ZFHX3: variants seen among roughly 807,000 people sequenced by gnomAD.
ZFHX3 encodes zinc finger homeobox 3.
In ZFHX3, 42 loss-of-function variants were observed where a neutral mutation model predicts 279.1. That is an observed-to-expected ratio of 0.15 (90% CI 0.12 to 0.19). The LOEUF (loss-of-function observed/expected upper bound fraction) is 0.19, where lower values mean the gene tolerates loss of function less well. Ranked by LOEUF, ZFHX3 falls within the 10% of genes least tolerant of loss-of-function variation. ZFHX3 has a pLI of 1.00. For synonymous variants in ZFHX3, 2,293 were observed against 1,957.8 expected (o/e 1.17, Z -4.52); for missense variants, 4,981 against 4,754.0 (o/e 1.05, Z -1.40).
intron 4 of ZFHX3, among the ~76,000 whole-genome samples, chr16:73,315,136 G>A (rs573552328): frequency 6.6e-6 from 1 of 151,698 alleles, no homozygotes; most frequent in African/African-American, 2.4e-5. Flanking sequence ...GCTGAGGCAG[G>A]AGAAGCGCTT....
At chr16:72,866,980 T>C (rs1487584630) in intron 4 of ZFHX3, among the ~76,000 whole-genome samples, 1 of 152,240 alleles carries the variant, frequency 6.6e-6, no homozygotes, top group East Asian at 1.9e-4. Flanking sequence ...ATATGAACAG[T>C]CATTATCTTG....
chr16:73,665,091 T>G (rs2052821416), intron 2 of ZFHX3, among the ~76,000 whole-genome samples: 2 of 152,146 alleles, frequency 1.3e-5, no homozygotes, highest in Non-Finnish European at 2.9e-5. Flanking sequence ...GAGTTTACAG[T>G]CTAATGTAGA....
chr16:73,019,332 G>A (rs1412033802), intron 1 of ZFHX3, among the ~76,000 whole-genome samples: 3 of 72,622 alleles, frequency 4.1e-5, no homozygotes. Context: ...GTGTGCGTGT[G>A]TGTGTCTGTG....
intron 1 of ZFHX3, among the ~76,000 whole-genome samples, chr16:73,832,101 A>G (rs1413659844): frequency 6.6e-6 from 1 of 151,758 alleles, no homozygotes; most frequent in Non-Finnish European, 1.5e-5. Context: ...GGGTTTCACC[A>G]TGTTGGTCAG....
At chr16:72,974,190 G>A (rs941735354) in intron 1 of ZFHX3, among the ~76,000 whole-genome samples, 1 of 152,146 alleles carries the variant, frequency 6.6e-6, no homozygotes, top group Non-Finnish European at 1.5e-5. Flanking sequence ...TATTCACATC[G>A]AATCTACCTG....
At chr16:72,940,455 C>A (rs1439124049) in intron 3 of ZFHX3, among the ~76,000 whole-genome samples, 1 of 152,146 alleles carries the variant, frequency 6.6e-6, no homozygotes, top group East Asian at 1.9e-4. Context: ...TGCAAGGATG[C>A]CTTCCACCCA....
At chr16:73,058,393 G>A (rs1319290515) in intron 1 of ZFHX3, 4 of 174,004 alleles carry the variant, frequency 2.3e-5, no homozygotes, top group Middle Eastern at 2.1e-3. Context: ...GAGCCGGGAG[G>A]GGGCAGGACG....
chr16:73,382,531 A>G (rs1346010200), intron 3 of ZFHX3, among the ~76,000 whole-genome samples: 1 of 152,088 alleles, frequency 6.6e-6, no homozygotes, highest in East Asian at 1.9e-4. Context: ...TAAAAAGCCC[A>G]CTCAGGCTGC....
At chr16:73,427,586 G>A (rs909501533) in intron 3 of ZFHX3, among the ~76,000 whole-genome samples, 15 of 152,240 alleles carry the variant, frequency 9.9e-5, no homozygotes, top group Non-Finnish European at 2.1e-4. Context: ...TGCCCTGCAC[G>A]TTGGTGGTAC....
chr16:73,836,500 C>T (rs752746934), intron 1 of ZFHX3, among the ~76,000 whole-genome samples: 78 of 152,146 alleles, frequency 5.1e-4, no homozygotes, highest in Non-Finnish European at 1.5e-4. Context: ...GAATAACAAT[C>T]CTCAAATGTA....
intron 3 of ZFHX3, among the ~76,000 whole-genome samples, chr16:72,891,271 T>C (rs1050721953): frequency 5.9e-5 from 9 of 152,184 alleles, no homozygotes; most frequent in African/African-American, 2.2e-4. Flanking sequence ...GACACAGTAT[T>C]GATCCCAGAG....
At chr16:73,572,712 T>C (rs1038441979) in intron 2 of ZFHX3, among the ~76,000 whole-genome samples, 3 of 152,146 alleles carry the variant, frequency 2.0e-5, no homozygotes, top group African/African-American at 7.2e-5. Context: ...CTGGCTTGTA[T>C]TCACAGGCAA....
At chr16:73,019,367 T>C (rs528529570) in intron 1 of ZFHX3, among the ~76,000 whole-genome samples, 152 of 143,520 alleles carry the variant, frequency 1.1e-3, no homozygotes, top group Middle Eastern at 3.5e-3. Context: ...TGTGTGTGTG[T>C]GCGTGTGCGT....
intron 2 of ZFHX3, among the ~76,000 whole-genome samples, chr16:73,587,022 A>G (rs1295595317): frequency 6.6e-6 from 1 of 152,204 alleles, no homozygotes; most frequent in Non-Finnish European, 1.5e-5. Flanking sequence ...GTAAACACAC[A>G]CAAGACCACT....
intron 1 of ZFHX3, among the ~76,000 whole-genome samples, chr16:73,796,121 A>G (rs907524101): frequency 1.3e-5 from 2 of 152,214 alleles, no homozygotes; most frequent in African/African-American, 4.8e-5. Flanking sequence ...ACAAGTACCT[A>G]ATTTTCTTTT....
At position 72,870,107 on chromosome 16, in the gene ZFHX3, G is replaced by A. The variant is rs539286734; in HGVS notation, c.3448+19624C>T. 6.0e-4 allele frequency among the ~76,000 whole-genome samples: 91 copies of A among 152,316 alleles called. 1 individual carries two copies. Among genetic ancestry groups the A allele is most frequent in the Non-Finnish European group, 2.9e-4 (20 of 68,030 alleles). The stretch of plus-strand genomic sequence containing the variant: ...AGGGCAAGACAGAGGAACAATGCTA[G>A]ATTAAAGAATATGGGCCAGGTGAGA... On this transcript the variant is annotated intron_variant, in intron 4 of 9. Transcript: ENST00000268489.
intron 4 of ZFHX3, among the ~76,000 whole-genome samples, chr16:72,871,903 G>A (rs968168526): frequency 6.6e-6 from 1 of 152,164 alleles, no homozygotes; most frequent in Non-Finnish European, 1.5e-5. Context: ...GGCTAACACA[G>A]TGAAACCGTG....
chr16:73,609,576 A>C (rs1001242491), intron 2 of ZFHX3: 1 of 152,028 alleles, frequency 6.6e-6, no homozygotes, highest in Non-Finnish European at 1.5e-5. Context: ...AAGGATTCAG[A>C]CTGTGGATTT....
chr16:73,152,476 A>G (rs970282765), intron 5 of ZFHX3, among the ~76,000 whole-genome samples: 3 of 152,190 alleles, frequency 2.0e-5, no homozygotes, highest in Admixed American at 2.0e-4. Flanking sequence ...GACAGGGCCC[A>G]TTTCAAGGAA....
Sources: gnomAD v4.1 joint callset for allele counts (sites outside exome capture counted in the v4.1 genomes callset) on GRCh38, gnomAD v4.1.1 for gene constraint, MANE v1.5 for transcripts, NCBI Gene and HGNC (gene_info 2026-07-23, HGNC 2026-07-21) for gene names.